MLLT3: variants seen among roughly 807,000 people sequenced by gnomAD.
MLLT3 encodes protein AF-9.
Under a neutral mutation model 53.2 loss-of-function variants are expected in MLLT3, and 4 were observed. The ratio of observed to expected loss-of-function variants is 0.08; its 90% CI spans 0.04 to 0.17. The LOEUF is 0.17. Ranked by LOEUF, MLLT3 falls within the 10% of genes least tolerant of loss-of-function variation. The pLI is 1.00. For missense variants in MLLT3, 569 were observed against 684.0 expected (o/e 0.83, Z 1.87); for synonymous variants, 283 against 230.6 (o/e 1.23, Z -2.06).
intron 2 of MLLT3, among the ~76,000 whole-genome samples, chr9:20,477,031 T>C (rs1824538054): frequency 6.6e-6 from 1 of 152,152 alleles, no homozygotes; most frequent in Admixed American, 6.6e-5. Context: ...GTTTCACCTT[T>C]AATTGAACCA....
At chr9:20,397,595 G>C (rs1274386139) in intron 5 of MLLT3, among the ~76,000 whole-genome samples, 1 of 152,102 alleles carries the variant, frequency 6.6e-6, no homozygotes, top group Non-Finnish European at 1.5e-5. Context: ...CTCCAGAAGT[G>C]AATACAGGAG....
rs577977791 is a variant in MLLT3, at chr9:20,349,711, C to T, written c.1576-3137G>A. On this transcript the variant is annotated intron_variant, in intron 10 of 10. Transcript: ENST00000380338. ...CTTTTGCCCACTAGAAACGTCAGCC[C>T]GGGCATTTCTCATGCATTGTGCTAT... Among the ~76,000 whole-genome samples the T allele has an allele frequency of 1.4e-3, 208 of 152,292 alleles. 3 individuals carry two copies. Among genetic ancestry groups the T allele is most frequent in the Non-Finnish European group, 1.7e-3 (116 of 68,016 alleles).
intron 2 of MLLT3, among the ~76,000 whole-genome samples, chr9:20,461,483 G>A (rs906750155): frequency 4.6e-4 from 70 of 151,974 alleles, no homozygotes; most frequent in African/African-American, 1.4e-3. Context: ...TAATATTCTC[G>A]TTTAGAAGTA....
intron 4 of MLLT3, among the ~76,000 whole-genome samples, chr9:20,445,374 T>G (rs914761548): frequency 6.6e-6 from 1 of 152,182 alleles, no homozygotes; most frequent in African/African-American, 2.4e-5. Flanking sequence ...GTTTTGAGAC[T>G]ATTTAGGAAA....
At chr9:20,391,973 C>T (rs900375802) in intron 5 of MLLT3, among the ~76,000 whole-genome samples, 2 of 152,122 alleles carry the variant, frequency 1.3e-5, no homozygotes, top group Non-Finnish European at 2.9e-5. Flanking sequence ...AAGAAAAAGA[C>T]AAAACTATAT....
intron 2 of MLLT3, among the ~76,000 whole-genome samples, chr9:20,466,301 C>T (rs892484192): frequency 2.6e-5 from 4 of 152,056 alleles, no homozygotes; most frequent in African/African-American, 7.2e-5. Flanking sequence ...GATTTTTGAG[C>T]CATTTTGGAT....
chr9:20,411,179 C>CTAGCAGTCCA (rs1199578146), intron 5 of MLLT3: 1 of 152,550 alleles, frequency 6.6e-6, no homozygotes, highest in African/African-American at 2.4e-5. Flanking sequence ...ACGGAGAGCA[C>CTAGCAGTCCA]TAGCAGTCCA....
intron 5 of MLLT3, among the ~76,000 whole-genome samples, chr9:20,406,189 C>T (rs1822573306): frequency 6.6e-6 from 1 of 152,118 alleles, no homozygotes; most frequent in African/African-American, 2.4e-5. Context: ...GCAGGAGGAT[C>T]ACTAGAGCCC....
intron 2 of MLLT3, among the ~76,000 whole-genome samples, chr9:20,511,541 T>C (rs991971866): frequency 6.6e-6 from 1 of 152,172 alleles, no homozygotes; most frequent in Non-Finnish European, 1.5e-5. Context: ...AAAGGCGTTA[T>C]GCTATGAAGC....
At chr9:20,495,652 T>C (rs1200432409) in intron 2 of MLLT3, among the ~76,000 whole-genome samples, 4 of 152,166 alleles carry the variant, frequency 2.6e-5, no homozygotes, top group African/African-American at 7.2e-5. Flanking sequence ...AATAGGTATA[T>C]CTGTTCACCA....
chr9:20,547,164 T>G (rs758771392), intron 2 of MLLT3, among the ~76,000 whole-genome samples: 12 of 152,058 alleles, frequency 7.9e-5, no homozygotes, highest in African/African-American at 9.7e-5. Context: ...TAGTGAATAT[T>G]AAAAATTGAG....
chr9:20,381,524 G>A (rs1821907628), intron 5 of MLLT3, among the ~76,000 whole-genome samples: 1 of 151,744 alleles, frequency 6.6e-6, no homozygotes, highest in Non-Finnish European at 1.5e-5. Flanking sequence ...GATTATATTT[G>A]CCATGTATAT....
chr9:20,376,300 A>T (rs539089936), intron 5 of MLLT3, among the ~76,000 whole-genome samples: 3 of 152,228 alleles, frequency 2.0e-5, no homozygotes, highest in South Asian at 4.2e-4. Flanking sequence ...GTTAGATTAG[A>T]ATCATATTTA....
At chr9:20,355,963 G>C (rs1821161587) in intron 8 of MLLT3, among the ~76,000 whole-genome samples, 1 of 152,142 alleles carries the variant, frequency 6.6e-6, no homozygotes, top group African/African-American at 2.4e-5. Flanking sequence ...GTAGTGGCAA[G>C]AGCACTGATT....
intron 2 of MLLT3, among the ~76,000 whole-genome samples, chr9:20,594,436 T>A (rs1020892241): frequency 6.6e-6 from 1 of 152,080 alleles, no homozygotes; most frequent in Non-Finnish European, 1.5e-5. Flanking sequence ...TGGATCTTCA[T>A]CCCTCTTCAA....
chr9:20,574,791 C>A (rs2131167659), intron 2 of MLLT3, among the ~76,000 whole-genome samples: 1 of 152,256 alleles, frequency 6.6e-6, no homozygotes, highest in Admixed American at 6.5e-5. Context: ...ATTGACTCTT[C>A]CTTTCACAAA....
chr9:20,397,026 A>C (rs1410983205), intron 5 of MLLT3, among the ~76,000 whole-genome samples: 1 of 152,172 alleles, frequency 6.6e-6, no homozygotes, highest in African/African-American at 2.4e-5. Flanking sequence ...TTGATGCAGA[A>C]TCAAGCAGTT....
rs116343776 is a variant in MLLT3, at chr9:20,593,071, T to C, written c.193+27583A>G. On this transcript the variant is annotated intron_variant, in intron 2 of 10. Coordinates refer to ENST00000380338, the MANE Select transcript of MLLT3 (RefSeq NM_004529.4). ...CCAGAACTTAATAAAAGCTCAAATT[T>C]TTCTGTACTGTAGCTAAATTTACTA... Among the ~76,000 whole-genome samples, 1,064 of 152,308 alleles carry C rather than the reference T, an allele frequency of 7.0e-3. 15 individuals are homozygous for C. Among genetic ancestry groups the C allele is most frequent in the African/African-American group, 0.024 (1,017 of 41,554 alleles).
At chr9:20,508,425 G>A (rs73648224) in intron 2 of MLLT3, among the ~76,000 whole-genome samples, 3 of 152,082 alleles carry the variant, frequency 2.0e-5, no homozygotes, top group Admixed American at 2.0e-4. Flanking sequence ...GGACACTACC[G>A]CAGTGCCAAC....
Sources: gnomAD v4.1 joint callset for allele counts (sites outside exome capture counted in the v4.1 genomes callset) on GRCh38, gnomAD v4.1.1 for gene constraint, MANE v1.5 for transcripts, NCBI Gene and HGNC (gene_info 2026-07-23, HGNC 2026-07-21) for gene names.